The following TGM3 variants were observed in gnomAD, a reference collection of about 807,000 sequenced individuals.
TGM3 encodes protein-glutamine gamma-glutamyltransferase E.
Under a neutral mutation model 73.8 loss-of-function variants are expected in TGM3, and 52 were observed. The observed-to-expected ratio is 0.70, with a 90% CI of 0.56 to 0.89. The LOEUF is 0.89. Among genes scored for constraint, TGM3 ranks in the 40% least tolerant of loss-of-function variants. TGM3 has a pLI of 0.00. For missense variants in TGM3, 928 were observed against 909.9 expected (o/e 1.02, Z -0.26); for synonymous variants, 372 against 354.9 (o/e 1.05, Z -0.54).
At chr20:2,329,959 T>C (rs371920124) in intron 9 of TGM3, among the ~76,000 whole-genome samples, 15 of 152,140 alleles carry the variant, frequency 9.9e-5, no homozygotes, top group African/African-American at 3.6e-4. Flanking sequence ...TGTACGATCC[T>C]GTGGGGTTCC....
rs1455616658 is a variant in TGM3, at chr20:2,328,846, C to T, written c.1333+481C>T. ...TGCACTGTGCACATTTGGAGGTCTC[C>T]CAAGAAGCCAGATGAGGTGTGATTA... On this transcript the variant is annotated intron_variant, in intron 9 of 12. Coordinates refer to ENST00000381458, the MANE Select transcript of TGM3 (RefSeq NM_003245.4). The surrounding 1 kb of genome is among the most constrained non-coding windows in gnomAD (Gnocchi z 5.2). Among the ~76,000 whole-genome samples the T allele has an allele frequency of 1.3e-5, 2 of 152,150 alleles. No individual in the cohort carries two copies. Among genetic ancestry groups the T allele is most frequent in the African/African-American group, 4.8e-5 (2 of 41,432 alleles).
intron 1 of TGM3, among the ~76,000 whole-genome samples, chr20:2,302,021 G>A (rs530043776): frequency 2.0e-5 from 3 of 152,212 alleles, no homozygotes; most frequent in South Asian, 2.1e-4. Flanking sequence ...ATTTCTGTCA[G>A]CCCTCATTAA....
rs939626970 is a variant in TGM3, at chr20:2,306,539, T to G, written c.8-3118T>G. On this transcript the variant is annotated intron_variant, in intron 1 of 12. Transcript: ENST00000381458. ...TTACCCAGGCTGGAGTGCAGTGGCA[T>G]GATCTCAACTCACTACAAGCTCTGC... 6.0e-5 allele frequency among the ~76,000 whole-genome samples: 9 copies of G among 149,420 alleles called. No homozygotes were observed. In the Admixed American group the frequency reaches 6.1e-4, roughly 10 times the overall value.
intron 10 of TGM3, among the ~76,000 whole-genome samples, chr20:2,333,076 G>A (rs2084329834): frequency 6.6e-6 from 1 of 152,254 alleles, no homozygotes; most frequent in African/African-American, 2.4e-5. Flanking sequence ...TAGAATGCAG[G>A]TGTGCCCACA....
chr20:2,339,425 C>T (rs1203649755), intron 11 of TGM3, among the ~76,000 whole-genome samples: 3 of 152,132 alleles, frequency 2.0e-5, no homozygotes, highest in Non-Finnish European at 4.4e-5. Context: ...TCACTTGAGG[C>T]CAGGAGTTCG....
At chr20:2,335,077 C>A (rs752018367) in intron 10 of TGM3, 39 bp from the exon 11 acceptor site, 2 of 1,612,080 alleles carry the variant, frequency 1.2e-6, no homozygotes, top group Non-Finnish European at 1.7e-6. Flanking sequence ...AAGCCATCCC[C>A]ACTCCCCCTC....
chr20:2,325,842 T>C lies in TGM3; in HGVS notation c.984-7T>C, dbSNP rs1245276587. 3.2e-6 allele frequency: 5 copies of C among 1,548,708 alleles called. No homozygotes were observed. The highest frequency in any genetic ancestry group is 4.4e-6 in the Non-Finnish European group (5 of 1,142,682). The stretch of plus-strand genomic sequence containing the variant: ...GCAAGCGCTGCAGTCTCTGGTTCTA[T>C]CTGCAGGAATTTCCATGTCTGGAAT... On this transcript the variant is annotated splice_polypyrimidine_tract_variant and splice_region_variant and intron_variant, in intron 7 of 12. Transcript: ENST00000381458.
chr20:2,332,338 C>T lies in TGM3; in HGVS notation c.1642+28C>T. On this transcript the variant is annotated intron_variant, in intron 10 of 12. Coordinates refer to ENST00000381458, the MANE Select transcript of TGM3 (RefSeq NM_003245.4). The surrounding 1 kb of genome is among the most constrained non-coding windows in gnomAD (Gnocchi z 4.4). ...AACGCATCCCGCAGTTGGAGGAGAT[C>T]CACGAATCCGAGGTAGCCAATGGCC... 5.8e-6 allele frequency: 9 copies of T among 1,542,202 alleles called. No individual in the cohort carries two copies. The highest frequency in any genetic ancestry group is 7.9e-6 in the Non-Finnish European group (9 of 1,144,158).
intron 1 of TGM3, among the ~76,000 whole-genome samples, chr20:2,299,708 T>C (rs971354828): frequency 5.9e-5 from 9 of 152,160 alleles, no homozygotes; most frequent in Non-Finnish European, 1.3e-4. Flanking sequence ...GTCAGGTAAT[T>C]TATGTGAAGG....
intron 11 of TGM3, among the ~76,000 whole-genome samples, chr20:2,335,543 T>G (rs1297595835): frequency 6.6e-6 from 1 of 152,220 alleles, no homozygotes; most frequent in Admixed American, 6.5e-5. Context: ...TCAGAACCAC[T>G]GGGGGCATCA....
intron 1 of TGM3, among the ~76,000 whole-genome samples, chr20:2,304,518 G>C (rs527869133): frequency 6.6e-6 from 1 of 152,106 alleles, no homozygotes; most frequent in Non-Finnish European, 1.5e-5. Context: ...TGCAGCATGA[G>C]GGCCCCTCAC....
intron 8 of TGM3, among the ~76,000 whole-genome samples, chr20:2,327,266 C>A (rs183428755): frequency 6.6e-6 from 1 of 151,648 alleles, no homozygotes; most frequent in Non-Finnish European, 1.5e-5. Context: ...GTCAGGAGAT[C>A]GAGACCATCC....
chr20:2,336,759 A>G (rs1349196424), intron 11 of TGM3, among the ~76,000 whole-genome samples: 1 of 151,916 alleles, frequency 6.6e-6, no homozygotes, highest in Non-Finnish European at 1.5e-5. Context: ...GCCTTGGGCC[A>G]TGTAACCAAA....
intron 1 of TGM3, among the ~76,000 whole-genome samples, chr20:2,302,657 G>C (rs1301605805): frequency 8.6e-6 from 1 of 116,684 alleles, no homozygotes; most frequent in South Asian, 3.0e-4. Context: ...CAGAATGGAA[G>C]AAGAGGAAGA....
At chr20:2,317,820 T>A (rs995099177) in intron 7 of TGM3, among the ~76,000 whole-genome samples, 1 of 151,852 alleles carries the variant, frequency 6.6e-6, no homozygotes, top group Non-Finnish European at 1.5e-5. Flanking sequence ...TTGAAACTAT[T>A]GCTTTTCCAG....
In TGM3 at chr20:2,308,857, G is replaced by A. The variant is rs2084188194; in HGVS notation, c.8-800G>A. 2.0e-5 allele frequency among the ~76,000 whole-genome samples: 3 copies of A among 149,314 alleles called. No individual in the cohort carries two copies. In the Admixed American group the frequency reaches 2.0e-4, roughly 10 times the overall value. On this transcript the variant is annotated intron_variant, in intron 1 of 12. Transcript: ENST00000381458. ...AGCCAAACCACGGTGATGGGGGTGA[G>A]AGAGGTATCCTCCCTTCAGTTCTTT... is the stretch of plus-strand genomic sequence containing the variant.
intron 9 of TGM3, among the ~76,000 whole-genome samples, chr20:2,330,935 G>A (rs547421077): frequency 7.4e-5 from 11 of 148,312 alleles, no homozygotes; most frequent in African/African-American, 2.7e-4. Context: ...GAACCCAGGA[G>A]GTGGATGTTG....
chr20:2,325,971 G>A lies in TGM3; in HGVS notation c.1087+19G>A, dbSNP rs1426288065. 2 of 1,574,970 alleles carry A rather than the reference G, an allele frequency of 1.3e-6. No homozygotes were observed. The highest frequency in any genetic ancestry group is 8.6e-7 in the Non-Finnish European group (1 of 1,158,208). ...AGCCAAGGTAACTTCTCTGGGTGTGGTTCTGAGTCGTGAGCCTCACAGTTA... is the reference window on the plus strand; with the variant it reads ...AGCCAAGGTAACTTCTCTGGGTGTGATTCTGAGTCGTGAGCCTCACAGTTA... On this transcript the variant is annotated intron_variant, in intron 8 of 12. Transcript: ENST00000381458.
chr20:2,312,884 C>G lies in TGM3; in HGVS notation c.541-14C>G. 1 of 1,614,010 alleles carries G rather than the reference C, an allele frequency of 6.2e-7. No individual in the cohort carries two copies. The highest frequency in any genetic ancestry group is 8.5e-7 in the Non-Finnish European group (1 of 1,179,976). ...CATTTCTTTAATTGTAATGTATGGT[C>G]TCGTTCTGAACAGTTTGAAGAAGAC... is the stretch of plus-strand genomic sequence containing the variant. On this transcript the variant is annotated splice_polypyrimidine_tract_variant and intron_variant, in intron 4 of 12. Transcript: ENST00000381458.
Sources: allele counts gnomAD v4.1 joint callset (sites outside exome capture counted in the v4.1 genomes callset), GRCh38; gene constraint gnomAD v4.1.1; non-coding constraint Gnocchi (gnomAD v3.1); transcripts MANE v1.5; gene names NCBI Gene and HGNC (gene_info 2026-07-23, HGNC 2026-07-21).